Variants in MDM2 observed in about 807,000 individuals in gnomAD.
The protein encoded by MDM2 is E3 ubiquitin-protein ligase Mdm2.
In MDM2, 11 loss-of-function variants were observed where a neutral mutation model predicts 64.3. That is an observed-to-expected ratio of 0.17 (90% CI 0.11 to 0.28). The LOEUF (loss-of-function observed/expected upper bound fraction) is 0.28. Among genes scored for constraint, MDM2 ranks in the 10% least tolerant of loss-of-function variants. The pLI is 1.00. For missense variants in MDM2, 388 were observed against 577.1 expected (o/e 0.67, Z 3.36); for synonymous variants, 194 against 192.9 (o/e 1.01, Z -0.05).
In MDM2 at chr12:68,837,949, ATAAC is replaced by A. The variant is rs939170727; in HGVS notation, c.918+1204_918+1207del. On this transcript the variant is annotated intron_variant, in intron 10 of 10. Transcript: ENST00000258149. The stretch of plus-strand genomic sequence containing the variant: ...AAATTTTTACTGTATTAGAAAATAA[ATAAC>A]TAATTGAATCATTTGATGTCAAGTT... Among the ~76,000 whole-genome samples the A allele has an allele frequency of 6.6e-5, 10 of 152,244 alleles. No homozygotes were observed. In the East Asian group the frequency reaches 1.2e-3, roughly 18 times the overall value.
chr12:68,839,457 T>G lies in MDM2; in HGVS notation c.1102T>G (p.Cys368Gly). ...TGAAGAGGGCTTTGATGTTCCTGAT[T>G]GTAAAAAAACTATAGTGAATGATTC... is the stretch of plus-strand genomic sequence containing the variant. ...QAEEGFDVPD[C>G]KKTIVNDSRE... The change falls in exon 11 of 11, where the codon TGT becomes GGT. Residue 368 changes from cysteine to glycine, a missense_variant. By Grantham distance (159) the Cys-to-Gly change is radical. Transcript: ENST00000258149. 1 of 1,613,890 alleles carries G rather than the reference T, an allele frequency of 6.2e-7. No homozygotes were observed. The highest frequency in any genetic ancestry group is 1.1e-5 in the South Asian group (1 of 91,082).
At chr12:68,833,334 A>ATATATATTTATATAAATATAAAT (rs1565744217) in intron 8 of MDM2, among the ~76,000 whole-genome samples, 1 of 54,654 alleles carries the variant, frequency 1.8e-5, no homozygotes, top group Non-Finnish European at 4.5e-5. Flanking sequence ...TAAATATAAA[A>ATATATATTTATATAAATATAAAT]ATATATATTT....
At chr12:68,817,124 C>A (rs2136122286) in intron 4 of MDM2, 179 bp downstream of exon 4, 1 of 611,604 alleles carries the variant, frequency 1.6e-6, no homozygotes, top group Non-Finnish European at 2.6e-6. Flanking sequence ...ATCTTATAAA[C>A]CAGTGTTTGA....
chr12:68,808,544 C>T (rs553072649), intron 1 of MDM2, 53 bp downstream of exon 1: 3 of 1,611,910 alleles, frequency 1.9e-6, no homozygotes, highest in South Asian at 2.2e-5. Flanking sequence ...TGACGGTGTC[C>T]CCTCTATCGC....
At chr12:68,833,296 T>A (rs1202688779) in intron 8 of MDM2, among the ~76,000 whole-genome samples, 8,693 of 123,642 alleles carry the variant, frequency 0.07, 1,589 homozygotes, top group African/African-American at 0.25. Context: ...AATATATATA[T>A]TTATATAAAT....
intron 1 of MDM2, among the ~76,000 whole-genome samples, chr12:68,808,786 GC>G (rs573767450): frequency 3.3e-4 from 50 of 152,342 alleles, no homozygotes; most frequent in African/African-American, 1.1e-3. Flanking sequence ...GGGGCCGGGG[GC>G]TGCGGGGCCG....
At chr12:68,834,945 G>A (rs1722068679) in intron 8 of MDM2, among the ~76,000 whole-genome samples, 1 of 152,010 alleles carries the variant, frequency 6.6e-6, no homozygotes, top group Admixed American at 6.6e-5. Context: ...GTCCTGAAAC[G>A]AAGAATCAGA....
chr12:68,811,422 T>G (rs3730503), intron 2 of MDM2, among the ~76,000 whole-genome samples: 1 of 152,150 alleles, frequency 6.6e-6, no homozygotes, highest in African/African-American at 2.4e-5. Flanking sequence ...CCCAAGATCT[T>G]GCAAATATAT....
chr12:68,839,856 T>TA lies in MDM2; in HGVS notation c.*7_*8insA. 1.2e-6 allele frequency: 2 copies of TA among 1,610,592 alleles called. No homozygotes were observed. Among genetic ancestry groups the TA allele is most frequent in the Non-Finnish European group, 1.7e-6 (2 of 1,178,206 alleles). ...GCTAACTTATTTCCCCTAGTTGACC[T>TA]GTCTATAAGAGAATTATATATTTCT... On this transcript the variant is annotated 3_prime_UTR_variant, in exon 11 of 11. Coordinates refer to ENST00000258149, the MANE Select transcript of MDM2 (RefSeq NM_002392.6).
intron 7 of MDM2, 102 bp downstream of exon 7, chr12:68,824,753 G>A: frequency 1.3e-6 from 1 of 741,876 alleles, no homozygotes; most frequent in Non-Finnish European, 2.2e-6. Context: ...CCCTTTTTTT[G>A]GTTGAGATGA....
chr12:68,830,274 A>C (rs1202675155), intron 8 of MDM2, among the ~76,000 whole-genome samples: 1 of 152,206 alleles, frequency 6.6e-6, no homozygotes, highest in Non-Finnish European at 1.5e-5. Flanking sequence ...TTGTGATAGT[A>C]ATCCTAGTCT....
chr12:68,825,013 C>T (rs1882191299), intron 7 of MDM2, among the ~76,000 whole-genome samples: 1 of 151,876 alleles, frequency 6.6e-6, no homozygotes, highest in African/African-American at 2.4e-5. Flanking sequence ...TCGAGACCAG[C>T]CTGACCAACG....
intron 5 of MDM2, among the ~76,000 whole-genome samples, chr12:68,823,680 C>T (rs1400109884): frequency 6.6e-6 from 1 of 152,166 alleles, no homozygotes; most frequent in Non-Finnish European, 1.5e-5. Context: ...CACTCTTCTG[C>T]TTAAAATTAC....
At chr12:68,820,300 T>G in intron 4 of MDM2, 25 bp from the exon 5 acceptor site, 1 of 1,480,690 alleles carries the variant, frequency 6.8e-7, no homozygotes, top group South Asian at 1.2e-5. Flanking sequence ...CATCTCTTGT[T>G]ATTTTTTTTT....
At chr12:68,845,951 G>A (rs1421344107), downstream of MDM2, 3 of 53,540 alleles carry the variant, frequency 5.6e-5, no homozygotes, top group Non-Finnish European at 7.5e-5. Flanking sequence ...CACCTCCCCC[G>A]ACCCCGCTGC....
chr12:68,828,574 A>C, intron 7 of MDM2, 197 bp from the exon 8 acceptor site: 1 of 486,390 alleles, frequency 2.1e-6, no homozygotes, highest in Non-Finnish European at 3.7e-6. Context: ...ACCCTTTCTC[A>C]GACAATAAAT....
At chr12:68,822,500 T>C (rs1881942463) in intron 5 of MDM2, among the ~76,000 whole-genome samples, 1 of 152,130 alleles carries the variant, frequency 6.6e-6, no homozygotes, top group Non-Finnish European at 1.5e-5. Context: ...GTTTTAAAGC[T>C]CTTTAAGAAA....
rs1310242633 is a variant in MDM2 at position 68,809,307 on chromosome 12, C to T, written c.99+15C>T. The T allele has an allele frequency of 1.2e-6, 2 of 1,606,088 alleles. No homozygotes were observed. Among genetic ancestry groups the T allele is most frequent in the African/African-American group, 2.7e-5 (2 of 74,754 alleles). Reference sequence around the variant, plus strand: ...AAGAGACCCTGGTTAGTATTTTTGTCTCGTGTAACTTTTAAGAATAATTTA... The same window carrying T: ...AAGAGACCCTGGTTAGTATTTTTGTTTCGTGTAACTTTTAAGAATAATTTA... On this transcript the variant is annotated intron_variant, in intron 2 of 10. Transcript: ENST00000258149.
In MDM2 at chr12:68,818,888, G is replaced by A. The variant is rs539900459; in HGVS notation, c.309-1437G>A. ...TGGGATTACAGGTGCACACTACTATGAGCAGCTAATTTTTTGTATTTTTAG... is the reference window on the plus strand; with the variant it reads ...TGGGATTACAGGTGCACACTACTATAAGCAGCTAATTTTTTGTATTTTTAG... On this transcript the variant is annotated intron_variant, in intron 4 of 10. Coordinates refer to ENST00000258149, the MANE Select transcript of MDM2 (RefSeq NM_002392.6). Among the ~76,000 whole-genome samples the A allele has an allele frequency of 5.7e-4, 86 of 151,868 alleles. 1 individual carries two copies. The South Asian group carries it at 7.5e-3, about 13-fold the overall frequency.
Sources: allele counts gnomAD v4.1 joint callset (sites outside exome capture counted in the v4.1 genomes callset), GRCh38; gene constraint gnomAD v4.1.1; transcripts MANE v1.5; gene names NCBI Gene and HGNC (gene_info 2026-07-23, HGNC 2026-07-21).